SUSD5: variants seen among roughly 807,000 people sequenced by gnomAD.
SUSD5 encodes the protein sushi domain containing 5.
Under a neutral mutation model 29.5 loss-of-function variants are expected in SUSD5, and 33 were observed. The observed-to-expected ratio is 1.12, with a 90% confidence interval of 0.85 to 1.49. SUSD5 has a LOEUF of 1.49. Among genes scored for constraint, SUSD5 ranks in the 40% most tolerant of loss-of-function variants. SUSD5 has a pLI of 0.00. For missense variants in SUSD5, 776 were observed against 800.6 expected (o/e 0.97, Z 0.37); for synonymous variants, 308 against 325.3 (o/e 0.95, Z 0.57).
At position 33,163,048 on chromosome 3, in the gene SUSD5, G is replaced by A. The variant is rs962892901; in HGVS notation, c.599-9015C>T. On this transcript the variant is annotated intron_variant, in intron 4 of 4. Coordinates refer to ENST00000309558, the MANE Select transcript of SUSD5 (RefSeq NM_015551.2). Reference sequence around the variant, plus strand: ...AATTTTATATACCATTAACAAAACTGAATCTCTCCACACACACAAAACTCT... The same window carrying A: ...AATTTTATATACCATTAACAAAACTAAATCTCTCCACACACACAAAACTCT... 7.2e-5 allele frequency among the ~76,000 whole-genome samples: 11 copies of A among 151,868 alleles called. No individual in the cohort carries two copies. The East Asian group carries it at 9.7e-4, about 13-fold the overall frequency.
At chr3:33,205,685 G>A (rs1178946034) in intron 3 of SUSD5, among the ~76,000 whole-genome samples, 1 of 152,200 alleles carries the variant, frequency 6.6e-6, no homozygotes, top group Non-Finnish European at 1.5e-5. Context: ...GCCCAGGCTG[G>A]CCTGTTGGAT....
At chr3:33,190,519 T>C (rs896648477) in intron 3 of SUSD5, among the ~76,000 whole-genome samples, 2 of 152,244 alleles carry the variant, frequency 1.3e-5, no homozygotes, top group African/African-American at 2.4e-5. Flanking sequence ...TATTATTCCA[T>C]TTGTATGGAT....
At position 33,207,830 on chromosome 3, in the gene SUSD5, A is replaced by G. The variant is rs201075647; in HGVS notation, c.387T>C (p.Ser129=). The change falls in exon 3 of 5, where the codon AGT becomes AGC. Residue 129 remains serine (S), a synonymous_variant. Coordinates refer to ENST00000309558, the MANE Select transcript of SUSD5 (RefSeq NM_015551.2). ...ESNPVPGGTY[S]ALCIKDEEKP... ...GACCTTCATCCTTAATACAAAGGGC[A>G]CTGTATGTGCCACCAGGAACTGGGT... 32 of 1,613,520 alleles carry G rather than the reference A, an allele frequency of 2.0e-5. 1 individual carries two copies. In the Admixed American group the frequency reaches 5.3e-4, roughly 27 times the overall value.
intron 3 of SUSD5, among the ~76,000 whole-genome samples, chr3:33,198,421 T>C (rs1398875462): frequency 6.6e-6 from 1 of 152,222 alleles, no homozygotes; most frequent in African/African-American, 2.4e-5. Flanking sequence ...AACACCATGG[T>C]TTAGCTCTGA....
rs1269073729 is a variant in SUSD5 at position 33,167,618 on chromosome 3, A to G, written c.598+7268T>C. On this transcript the variant is annotated intron_variant, in intron 4 of 4. Coordinates refer to ENST00000309558, the MANE Select transcript of SUSD5 (RefSeq NM_015551.2). This position sits in a 1 kb window ranked among gnomAD's most constrained non-coding sequence, Gnocchi z 4.1. ...GGTCCTGACTTAAAAACAGGTTGTCAGTATATCACAGTTTCCCCAAAACCT... is the reference window on the plus strand; with the variant it reads ...GGTCCTGACTTAAAAACAGGTTGTCGGTATATCACAGTTTCCCCAAAACCT... 6.6e-6 allele frequency among the ~76,000 whole-genome samples: 1 copy of G among 152,214 alleles called. No individual in the cohort carries two copies. The highest frequency in any genetic ancestry group is 1.5e-5 in the Non-Finnish European group (1 of 68,032).
In SUSD5 at chr3:33,152,653, A is replaced by G. The variant is rs2030927154; in HGVS notation, c.*89T>C. 1 of 1,366,046 alleles carries G rather than the reference A, an allele frequency of 7.3e-7. No individual in the cohort carries two copies. The highest frequency in any genetic ancestry group is 1.5e-5 in the African/African-American group (1 of 68,802). 84.6% of individuals were successfully genotyped at this position (1,366,046 alleles called of 1,614,324 possible). On this transcript the variant is annotated 3_prime_UTR_variant, in exon 5 of 5. Coordinates refer to ENST00000309558, the MANE Select transcript of SUSD5 (RefSeq NM_015551.2). ...AGGAAAAAATGATGAGCCTCAGTCC[A>G]CCTGCGTCATGCTCTAGTGAATTAT...
At chr3:33,173,893 C>T (rs935904473) in intron 4 of SUSD5, among the ~76,000 whole-genome samples, 2 of 152,188 alleles carry the variant, frequency 1.3e-5, no homozygotes, top group Non-Finnish European at 2.9e-5. Flanking sequence ...CTGGCTGCTG[C>T]GTCCCTGTTG....
In SUSD5 at chr3:33,188,137, C is replaced by T. The variant is rs191133793; in HGVS notation, c.410-13063G>A. Among the ~76,000 whole-genome samples the T allele has an allele frequency of 2.6e-5, 4 of 152,258 alleles. No individual in the cohort carries two copies. In the East Asian group the frequency reaches 7.7e-4, roughly 29 times the overall value. ...CAATTTAAAAGGGCACATTTGCCTG[C>T]CAATCAAAGCTTCTGATAACCAGTG... is the stretch of plus-strand genomic sequence containing the variant. On this transcript the variant is annotated intron_variant, in intron 3 of 4. Coordinates refer to ENST00000309558, the MANE Select transcript of SUSD5 (RefSeq NM_015551.2).
At chr3:33,193,050 C>T (rs1047401628) in intron 3 of SUSD5, among the ~76,000 whole-genome samples, 4 of 152,050 alleles carry the variant, frequency 2.6e-5, no homozygotes, top group Non-Finnish European at 4.4e-5. Context: ...GAGCCTCCTA[C>T]ATTATTGAAA....
rs992517069 is a variant in SUSD5, at chr3:33,152,516, A to C, written c.*226T>G. On this transcript the variant is annotated 3_prime_UTR_variant, in exon 5 of 5. Coordinates refer to ENST00000309558, the MANE Select transcript of SUSD5 (RefSeq NM_015551.2). ...CACAGGTCTGGGATTAGTGTAGTCA[A>C]TTCCAGGGCAGATGGTGGAGGAGAC... The C allele has an allele frequency of 3.6e-6, 2 of 555,106 alleles. No homozygotes were observed. The highest frequency in any genetic ancestry group is 6.8e-5 in the Admixed American group (2 of 29,298). The allele number at this position is 555,106 out of a possible 1,614,324, so 34.4% of individuals were successfully genotyped here. A position where few individuals can be genotyped will look rare whatever the true frequency, so the allele number is the denominator to read the frequency against.
chr3:33,198,956 TGAA>T (rs2032048035), intron 3 of SUSD5, among the ~76,000 whole-genome samples: 1 of 152,084 alleles, frequency 6.6e-6, no homozygotes. Context: ...CCCAAAATAT[TGAA>T]GAAGGCCCAG....
At chr3:33,192,717 G>A (rs200818788) in intron 3 of SUSD5, among the ~76,000 whole-genome samples, 4 of 152,124 alleles carry the variant, frequency 2.6e-5, no homozygotes, top group East Asian at 3.9e-4. Context: ...GCTGAGCCAC[G>A]AGAATCTCTT....
Position 33,152,852 on chromosome 3 carries a change from T to G in SUSD5, c.1780A>C (p.Met594Leu), listed in dbSNP as rs2125611848. ...CLLLLLAGVG[M>L]VWGYRKCQHK... ...TGGCACTTGCGGTAGCCCCACACCA[T>G]CCCCACACCTGCCAGGAGCAGCAGT... The change falls in exon 5 of 5, where the codon ATG becomes CTG. Residue 594 changes from methionine to leucine, a missense_variant. Physicochemically the swap from Met to Leu is conservative, Grantham distance 15 (BLOSUM62 2). Transcript: ENST00000309558. The G allele has an allele frequency of 6.2e-7, 1 of 1,613,822 alleles. No homozygotes were observed. Among genetic ancestry groups the G allele is most frequent in the Middle Eastern group, 1.6e-4 (1 of 6,062 alleles).
In SUSD5 at chr3:33,153,114, T is replaced by C. The variant is rs1575525161; in HGVS notation, c.1518A>G (p.Thr506=). ...EILTVNTVKQ[T]PNHIPSTIMA... is the part of the protein sequence containing the mutation. ...TGATCGTTGAGGGGATGTGGTTAGG[T>C]GTCTGCTTGACAGTGTTCACTGTTA... Residue 506 remains threonine (T), a synonymous_variant, in exon 5 of 5, where the codon ACA becomes ACG. Coordinates refer to ENST00000309558, the MANE Select transcript of SUSD5 (RefSeq NM_015551.2). 6.2e-7 allele frequency: 1 copy of C among 1,613,726 alleles called. No individual in the cohort carries two copies. Among genetic ancestry groups the C allele is most frequent in the Admixed American group, 1.7e-5 (1 of 59,986 alleles).
intron 3 of SUSD5, among the ~76,000 whole-genome samples, chr3:33,185,461 C>T (rs894491634): frequency 1.3e-5 from 2 of 152,174 alleles, no homozygotes; most frequent in African/African-American, 4.8e-5. Context: ...CCTGAGCTTC[C>T]AGCAATTCAT....
In SUSD5 at chr3:33,183,422, T is replaced by G. The variant is rs564344964; in HGVS notation, c.410-8348A>C. On this transcript the variant is annotated intron_variant, in intron 3 of 4. Coordinates refer to ENST00000309558, the MANE Select transcript of SUSD5 (RefSeq NM_015551.2). ...ATACTTGTTTTTTTATTTTTATTCTTTATCTTTTTTAGTTGTTGCCCTGGT... is the reference window on the plus strand; with the variant it reads ...ATACTTGTTTTTTTATTTTTATTCTGTATCTTTTTTAGTTGTTGCCCTGGT... Among the ~76,000 whole-genome samples, 6 of 152,282 alleles carry G rather than the reference T, an allele frequency of 3.9e-5. No individual in the cohort carries two copies. In the South Asian group the frequency reaches 1.0e-3, roughly 26 times the overall value.
At chr3:33,174,826 T>A in intron 4 of SUSD5, 60 bp downstream of exon 4, 1 of 1,588,096 alleles carries the variant, frequency 6.3e-7, no homozygotes, top group South Asian at 1.1e-5. Flanking sequence ...CCAGCAGCAG[T>A]GGAGCCCTCA....
rs1380225450 is a variant in SUSD5, at chr3:33,167,254, G to A, written c.598+7632C>T. Among the ~76,000 whole-genome samples the A allele has an allele frequency of 1.3e-5, 2 of 151,904 alleles. No individual in the cohort carries two copies. ...GGCACCTGGAACACAGGCAGAAGAT[G>A]AGTATGTTCTCCTCTCTCACTTTTT... On this transcript the variant is annotated intron_variant, in intron 4 of 4. Transcript: ENST00000309558. This position sits in a 1 kb window ranked among gnomAD's most constrained non-coding sequence, Gnocchi z 4.1.
chr3:33,209,611 TCTTC>T (rs998059293), intron 2 of SUSD5, among the ~76,000 whole-genome samples: 7 of 151,026 alleles, frequency 4.6e-5, no homozygotes, highest in African/African-American at 1.2e-4. Flanking sequence ...CCTCTTTCTC[TCTTC>T]CTTCCTTCCT....
Sources: gnomAD v4.1 joint callset for allele counts (sites outside exome capture counted in the v4.1 genomes callset) on GRCh38, gnomAD v4.1.1 for gene constraint, Gnocchi (gnomAD v3.1) non-coding constraint, MANE v1.5 for transcripts, NCBI Gene and HGNC (gene_info 2026-07-23, HGNC 2026-07-21) for gene names.